Variants in WWOX observed in about 807,000 individuals in gnomAD.
WWOX encodes the protein WW domain containing oxidoreductase, also known as WW domain-containing oxidoreductase.
Under a neutral mutation model 46.2 loss-of-function variants are expected in WWOX, and 69 were observed. The observed-to-expected ratio is 1.49, with a 90% CI of 1.23 to 1.82. WWOX has a LOEUF of 1.82. Ranked by LOEUF, WWOX falls within the 40% of genes most tolerant of loss-of-function variation. The probability of loss-of-function intolerance (pLI) is 0.00; values close to 1 mark genes in which losing one functional copy is unlikely to be tolerated. For synonymous variants in WWOX, 359 were observed against 202.6 expected (o/e 1.77, Z -6.56); for missense variants, 919 against 542.6 (o/e 1.69, Z -6.89).
intron 8 of WWOX, among the ~76,000 whole-genome samples, chr16:78,700,441 CACCA>C (rs2048189692): frequency 6.6e-6 from 1 of 152,018 alleles, no homozygotes; most frequent in Non-Finnish European, 1.5e-5. Flanking sequence ...TACCTCCAAA[CACCA>C]TCTTATTGGG....
rs561399844 is a variant in WWOX, at chr16:78,450,620, CT to C, written c.1056+17875del. Among the ~76,000 whole-genome samples, 238 of 152,214 alleles carry C rather than the reference CT, an allele frequency of 1.6e-3. 1 individual carries two copies. The highest frequency in any genetic ancestry group is 5.3e-3 in the African/African-American group (222 of 41,562). ...AACCTGTAAAATTTGGGAACTTAAA[CT>C]TTTTTTGATATTTTAATATTTCTAG... is the stretch of plus-strand genomic sequence containing the variant. On this transcript the variant is annotated intron_variant, in intron 8 of 8. Coordinates refer to ENST00000566780, the MANE Select transcript of WWOX (RefSeq NM_016373.4).
chr16:78,510,122 T>C (rs199994130), intron 8 of WWOX, among the ~76,000 whole-genome samples: 2 of 152,126 alleles, frequency 1.3e-5, no homozygotes, highest in African/African-American at 4.8e-5. Flanking sequence ...ATTCCTTCAG[T>C]GTATTAGTAA....
chr16:79,015,279 A>C (rs879488274), intron 8 of WWOX, among the ~76,000 whole-genome samples: 1 of 152,320 alleles, frequency 6.6e-6, no homozygotes, highest in African/African-American at 2.4e-5. Flanking sequence ...ATGGGGTCAG[A>C]GGAAGCTCAG....
intron 8 of WWOX, among the ~76,000 whole-genome samples, chr16:78,764,038 T>C (rs140603549): frequency 4.3e-4 from 65 of 152,224 alleles, no homozygotes; most frequent in African/African-American, 1.6e-3. Flanking sequence ...ACCAGCTGCG[T>C]AGGATATGTG....
At chr16:78,321,304 G>T (rs1017385258) in intron 5 of WWOX, among the ~76,000 whole-genome samples, 1 of 74,432 alleles carries the variant, frequency 1.3e-5, no homozygotes, top group Non-Finnish European at 2.8e-5. Flanking sequence ...ATATATATAC[G>T]TATATATATG....
In WWOX at chr16:79,212,520, C is replaced by G. The variant is rs566018067; in HGVS notation, c.*724C>G. On this transcript the variant is annotated 3_prime_UTR_variant, in exon 9 of 9. Coordinates refer to ENST00000566780, the MANE Select transcript of WWOX (RefSeq NM_016373.4). ...GGAAGCGTATATACTTAAGAATACA[C>G]AGGATATTTTGGGGGGCAGAGAATA... 1 of 178,310 alleles carries G rather than the reference C, an allele frequency of 5.6e-6. No homozygotes were observed. Among genetic ancestry groups the G allele is most frequent in the Non-Finnish European group, 1.2e-5 (1 of 82,724 alleles). 11.0% of individuals were successfully genotyped at this position (178,310 alleles called of 1,614,324 possible). A position where few individuals can be genotyped will look rare whatever the true frequency, so the allele number is the denominator to read the frequency against.
chr16:78,413,182 A>C (rs1322310439), intron 6 of WWOX, among the ~76,000 whole-genome samples: 6 of 152,206 alleles, frequency 3.9e-5, no homozygotes, highest in African/African-American at 1.4e-4. Context: ...TGTACTACTC[A>C]AATCAATCTC....
At chr16:78,690,060 C>T (rs1294369602) in intron 8 of WWOX, among the ~76,000 whole-genome samples, 3 of 152,080 alleles carry the variant, frequency 2.0e-5, no homozygotes, top group Non-Finnish European at 4.4e-5. Flanking sequence ...GCGGTTTCAC[C>T]ATGTTGACCA....
At chr16:79,138,519 C>G (rs561409290) in intron 8 of WWOX, among the ~76,000 whole-genome samples, 35 of 152,302 alleles carry the variant, frequency 2.3e-4, no homozygotes, top group African/African-American at 8.2e-4. Flanking sequence ...GTGCCATAGA[C>G]AGGTTAGAGA....
intron 8 of WWOX, among the ~76,000 whole-genome samples, chr16:79,013,146 C>T (rs372566651): frequency 3.3e-5 from 5 of 152,212 alleles, no homozygotes; most frequent in Non-Finnish European, 7.3e-5. Flanking sequence ...ATCTCCCTGC[C>T]CTGGTCTGAA....
Position 79,212,232 on chromosome 16 carries a change from C to G in WWOX, c.*436C>G. ...AAGAAAAAGCAAGTGTTCACTGCTC[C>G]TTGCTGCATTGATCCAGGAGATAAT... On this transcript the variant is annotated 3_prime_UTR_variant, in exon 9 of 9. Coordinates refer to ENST00000566780, the MANE Select transcript of WWOX (RefSeq NM_016373.4). 1.5e-6 allele frequency: 2 copies of G among 1,370,404 alleles called. No individual in the cohort carries two copies. Among genetic ancestry groups the G allele is most frequent in the Non-Finnish European group, 1.9e-6 (2 of 1,040,140 alleles). 84.9% of individuals were successfully genotyped at this position (1,370,404 alleles called of 1,614,324 possible). A position where few individuals can be genotyped will look rare whatever the true frequency, so the allele number is the denominator to read the frequency against.
chr16:78,885,761 G>A (rs1293176454), intron 8 of WWOX, among the ~76,000 whole-genome samples: 2 of 151,882 alleles, frequency 1.3e-5, no homozygotes, highest in Non-Finnish European at 2.9e-5. Flanking sequence ...TTAACTGATA[G>A]TTTGATTTAC....
intron 8 of WWOX, among the ~76,000 whole-genome samples, chr16:78,605,377 C>G (rs2045730704): frequency 6.6e-6 from 1 of 151,234 alleles, no homozygotes; most frequent in Admixed American, 6.6e-5. Flanking sequence ...AAAAAAAATC[C>G]AGGTGCAAAA....
chr16:79,084,457 G>A (rs1434171781), intron 8 of WWOX, among the ~76,000 whole-genome samples: 6 of 152,208 alleles, frequency 3.9e-5, no homozygotes, highest in Middle Eastern at 6.8e-3. Context: ...GTCTCGCTCT[G>A]TTGCCCAGGG....
At position 78,763,448 on chromosome 16, in the gene WWOX, A is replaced by G. The variant is rs1236807651; in HGVS notation, c.1056+330696A>G. Among the ~76,000 whole-genome samples, 5 of 152,208 alleles carry G rather than the reference A, an allele frequency of 3.3e-5. No individual in the cohort carries two copies. In the South Asian group the frequency reaches 6.2e-4, roughly 19 times the overall value. On this transcript the variant is annotated intron_variant, in intron 8 of 8. Transcript: ENST00000566780. Reference sequence around the variant, plus strand: ...CACATCTTCTGACCTCAAGTAGTTTATAGTCCAAAAAGACATTGGCTCTTT... The same window carrying G: ...CACATCTTCTGACCTCAAGTAGTTTGTAGTCCAAAAAGACATTGGCTCTTT...
chr16:78,953,272 C>T (rs2046099534), intron 8 of WWOX, among the ~76,000 whole-genome samples: 1 of 151,344 alleles, frequency 6.6e-6, no homozygotes, highest in Admixed American at 6.6e-5. Flanking sequence ...ATTTCTAAAA[C>T]AAACCAATAG....
chr16:79,034,100 C>A (rs886475558), intron 8 of WWOX, among the ~76,000 whole-genome samples: 5 of 152,160 alleles, frequency 3.3e-5, no homozygotes, highest in African/African-American at 1.2e-4. Context: ...GGCCAGGGAA[C>A]TGAATGGGAT....
chr16:78,992,469 A>AAAAAC (rs1315188108), intron 8 of WWOX, among the ~76,000 whole-genome samples: 2 of 152,162 alleles, frequency 1.3e-5, no homozygotes, highest in Admixed American at 6.5e-5. Context: ...TCTATCTCAA[A>AAAAAC]AAAACAAAAC....
chr16:78,458,673 T>A (rs949272166), intron 8 of WWOX, among the ~76,000 whole-genome samples: 2 of 152,200 alleles, frequency 1.3e-5, no homozygotes, highest in Non-Finnish European at 2.9e-5. Flanking sequence ...TATAAATTAA[T>A]TTTTTAGCAT....
Sources: gnomAD v4.1 joint callset for allele counts (sites outside exome capture counted in the v4.1 genomes callset) on GRCh38, gnomAD v4.1.1 for gene constraint, MANE v1.5 for transcripts, NCBI Gene and HGNC (gene_info 2026-07-23, HGNC 2026-07-21) for gene names.